Variants in MSI2 observed in about 807,000 individuals in gnomAD.
The protein encoded by MSI2 is RNA-binding protein Musashi homolog 2.
MSI2 carries 17 observed loss-of-function variants against 45.6 expected under a neutral mutation model. That is an observed-to-expected ratio of 0.37 (90% confidence interval 0.26 to 0.56). MSI2 has a LOEUF of 0.56. Among genes scored for constraint, MSI2 ranks in the 20% least tolerant of loss-of-function variants. The pLI is 0.77. For missense variants in MSI2, 293 were observed against 444.2 expected, an observed-to-expected ratio of 0.66 and a Z score of 3.06; for synonymous variants, 156 against 158.2, an observed-to-expected ratio of 0.99 and a Z score of 0.11.
At chr17:57,404,340 G>A (rs1324488751) in intron 6 of MSI2, among the ~76,000 whole-genome samples, 1 of 152,126 alleles carries the variant, frequency 6.6e-6, no homozygotes, top group African/African-American at 2.4e-5. Context: ...ACTGACGATG[G>A]GCAAGATGCA....
At chr17:57,388,527 G>T (rs551307883) in intron 5 of MSI2, among the ~76,000 whole-genome samples, 3 of 152,190 alleles carry the variant, frequency 2.0e-5, no homozygotes, top group Non-Finnish European at 4.4e-5. Flanking sequence ...ATCCTAGCCC[G>T]CATGCGGGTT....
chr17:57,269,329 C>T (rs774875071), intron 5 of MSI2, among the ~76,000 whole-genome samples: 7 of 152,034 alleles, frequency 4.6e-5, no homozygotes, highest in Non-Finnish European at 8.8e-5. Context: ...TGTGTCTGTG[C>T]GGGTGTATGG....
chr17:57,263,317 A>G (rs1907491127), intron 5 of MSI2, among the ~76,000 whole-genome samples: 1 of 152,216 alleles, frequency 6.6e-6, no homozygotes, highest in Non-Finnish European at 1.5e-5. Context: ...AGATGGAAAC[A>G]CAACTTTTTA....
At chr17:57,692,979 C>G in the MSI2 span, among the ~76,000 whole-genome samples, 60 of 146,852 alleles carry the variant, frequency 4.1e-4, no homozygotes, top group Non-Finnish European at 7.2e-4. Context: ...TCTGTGGTTT[C>G]ATGTCTTTCA....
intron 8 of MSI2, among the ~76,000 whole-genome samples, chr17:57,609,745 A>T (rs887201908): frequency 6.6e-6 from 1 of 152,212 alleles, no homozygotes; most frequent in Non-Finnish European, 1.5e-5. Context: ...ACTGGGGAGG[A>T]GTGGCCACTC....
intron 10 of MSI2, among the ~76,000 whole-genome samples, chr17:57,634,787 T>C (rs760999253): frequency 3.3e-5 from 5 of 152,136 alleles, no homozygotes; most frequent in Non-Finnish European, 7.3e-5. Flanking sequence ...ATGGTCTGGG[T>C]TTCTTCTCTA....
At chr17:57,697,176 C>T in the MSI2 span, among the ~76,000 whole-genome samples, 1 of 31,712 alleles carries the variant, frequency 3.2e-5, no homozygotes, top group Non-Finnish European at 7.3e-5. Context: ...GCTCTCTCCT[C>T]ACATATGCAC....
intron 6 of MSI2, among the ~76,000 whole-genome samples, chr17:57,478,380 G>T (rs888253268): frequency 3.3e-5 from 5 of 152,190 alleles, no homozygotes; most frequent in African/African-American, 1.2e-4. Context: ...CACTAGAGAA[G>T]CCTTTATTTG....
At chr17:57,327,457 T>C (rs1176742895) in intron 5 of MSI2, among the ~76,000 whole-genome samples, 2 of 152,202 alleles carry the variant, frequency 1.3e-5, no homozygotes, top group Non-Finnish European at 2.9e-5. Context: ...CCCAGAATTG[T>C]GGAAACTCTA....
At chr17:57,660,378 C>T (rs777402811) in intron 11 of MSI2, among the ~76,000 whole-genome samples, 22 of 152,106 alleles carry the variant, frequency 1.4e-4, no homozygotes, top group Non-Finnish European at 8.8e-5. Flanking sequence ...GCTCTTTACA[C>T]GGTGGTGTAA....
chr17:57,478,048 G>A (rs1246070177), intron 6 of MSI2, among the ~76,000 whole-genome samples: 1 of 152,188 alleles, frequency 6.6e-6, no homozygotes, highest in Non-Finnish European at 1.5e-5. Flanking sequence ...CCTCTGCCCG[G>A]CCTGCTCCTG....
intron 6 of MSI2, among the ~76,000 whole-genome samples, chr17:57,485,855 G>A (rs1276187937): frequency 6.6e-6 from 1 of 152,178 alleles, no homozygotes; most frequent in Non-Finnish European, 1.5e-5. Context: ...GTGGAGGGGA[G>A]GGCATCACTA....
intron 5 of MSI2, among the ~76,000 whole-genome samples, chr17:57,286,232 C>CTT (rs11312624): frequency 2.8e-5 from 4 of 142,290 alleles, no homozygotes; most frequent in Non-Finnish European, 1.5e-5. Flanking sequence ...AACAAATAGT[C>CTT]TTTTTTTTTT....
At chr17:57,460,377 GGAAAAAGA>G (rs1728196859) in intron 6 of MSI2, among the ~76,000 whole-genome samples, 1 of 149,982 alleles carries the variant, frequency 6.7e-6, no homozygotes, top group Non-Finnish European at 1.5e-5. Flanking sequence ...GGAAAGGAAA[GGAAAAAGA>G]GAGAAAGAGA....
intron 6 of MSI2, among the ~76,000 whole-genome samples, chr17:57,458,566 T>C (rs1228004848): frequency 1.3e-5 from 2 of 152,188 alleles, no homozygotes; most frequent in African/African-American, 4.8e-5. Flanking sequence ...TGATATCTTC[T>C]TCAGGAGCAC....
rs80083120 is a variant in MSI2 at position 57,288,128 on chromosome 17, A to T, written c.312+25936A>T. 5.4e-3 allele frequency among the ~76,000 whole-genome samples: 829 copies of T among 152,300 alleles called. 10 individuals are homozygous for T. The highest frequency in any genetic ancestry group is 0.019 in the African/African-American group (774 of 41,544). ...GAATCCTGGCTATGTGACCTGGCCA[A>T]GTGACATAACCTCTCTGAGCCTGAT... On this transcript the variant is annotated intron_variant, in intron 5 of 13. Transcript: ENST00000284073.
At chr17:57,376,692 T>C (rs1466758194) in intron 5 of MSI2, among the ~76,000 whole-genome samples, 1 of 152,230 alleles carries the variant, frequency 6.6e-6, no homozygotes, top group Non-Finnish European at 1.5e-5. Context: ...TATGAGCAGC[T>C]GATTGGCTCA....
chr17:57,515,960 C>T (rs750245802), intron 6 of MSI2, among the ~76,000 whole-genome samples: 49 of 152,154 alleles, frequency 3.2e-4, no homozygotes, highest in Admixed American at 5.9e-4. Flanking sequence ...AAAAATAGGA[C>T]AAAGAGCTCT....
intron 5 of MSI2, among the ~76,000 whole-genome samples, chr17:57,323,115 G>A (rs1476231055): frequency 2.0e-5 from 3 of 152,080 alleles, no homozygotes; most frequent in Non-Finnish European, 2.9e-5. Flanking sequence ...GTTTGCAAAG[G>A]TCAGAAGCCA....
Sources: allele counts gnomAD v4.1 joint callset (sites outside exome capture counted in the v4.1 genomes callset), GRCh38; gene constraint gnomAD v4.1.1; transcripts MANE v1.5; gene names NCBI Gene and HGNC (gene_info 2026-07-23, HGNC 2026-07-21).